DFFB: variants seen among roughly 807,000 people sequenced by gnomAD.
DFFB encodes the protein DNA fragmentation factor 40 kDa subunit.
DFFB carries 29 observed loss-of-function variants against 32.7 expected under a neutral mutation model. The observed-to-expected ratio is 0.89, with a 90% CI of 0.66 to 1.21. The LOEUF (loss-of-function observed/expected upper bound fraction) is 1.21, where lower values mean the gene tolerates loss of function less well. Ranked by LOEUF, DFFB falls within the 50% of genes most tolerant of loss-of-function variation. The pLI, the probability that DFFB is intolerant of heterozygous loss-of-function variation, is 0.00. For synonymous variants in DFFB, 170 were observed against 177.1 expected, an observed-to-expected ratio of 0.96 and a Z score of 0.32; for missense variants, 398 against 440.6, an observed-to-expected ratio of 0.90 and a Z score of 0.87.
Position 3,857,720 on chromosome 1 carries a change from G to A in DFFB, c.114+3G>A, listed in dbSNP as rs763358012. Reference sequence around the variant, plus strand: ...GCAAGGGCTGTCTCCGCTTCCAGGTGCCCGCTGGGCTAGGCGGGGACGGCC... The same window carrying A: ...GCAAGGGCTGTCTCCGCTTCCAGGTACCCGCTGGGCTAGGCGGGGACGGCC... On this transcript the variant is annotated splice_donor_region_variant and intron_variant, in intron 1 of 6. Transcript: ENST00000378209. The A allele has an allele frequency of 1.3e-6, 2 of 1,518,514 alleles. No individual in the cohort carries two copies. Among genetic ancestry groups the A allele is most frequent in the South Asian group, 1.3e-5 (1 of 79,426 alleles). 94.1% of individuals were successfully genotyped at this position (1,518,514 alleles called of 1,614,324 possible). A position where few individuals can be genotyped will look rare whatever the true frequency, so the allele number is the denominator to read the frequency against.
intron 4 of DFFB, among the ~76,000 whole-genome samples, chr1:3,868,577 A>C (rs1645030694): frequency 6.6e-6 from 1 of 151,956 alleles, no homozygotes; most frequent in African/African-American, 2.4e-5. Flanking sequence ...ATCACATAGC[A>C]TGACATGCCA....
intron 6 of DFFB, among the ~76,000 whole-genome samples, chr1:3,879,141 T>G (rs1645285259): frequency 6.6e-6 from 1 of 152,352 alleles, no homozygotes; most frequent in South Asian, 2.1e-4. Context: ...TGGAAAATGA[T>G]AAGTATCTAG....
At chr1:3,866,208 C>A in intron 3 of DFFB, 1 of 691,814 alleles carries the variant, frequency 1.4e-6, no homozygotes, top group Non-Finnish European at 2.6e-6. Flanking sequence ...GGGCCAGAGT[C>A]CAGGGCAGCC....
chr1:3,872,679 C>A, intron 6 of DFFB, 107 bp downstream of exon 6: 1 of 999,558 alleles, frequency 1.0e-6, no homozygotes, highest in South Asian at 1.4e-5. Context: ...CCTGTCCCTG[C>A]CACGGTGTTG....
intron 3 of DFFB, among the ~76,000 whole-genome samples, chr1:3,867,016 C>T (rs971805098): frequency 6.6e-6 from 1 of 152,216 alleles, no homozygotes; most frequent in South Asian, 2.1e-4. Context: ...CAGCCTCAGC[C>T]TCCCGAGTAG....
At chr1:3,883,480 AATG>A (rs1253211467) in intron 6 of DFFB, 24 bp from the exon 7 acceptor site, 4 of 1,607,374 alleles carry the variant, frequency 2.5e-6, no homozygotes, top group Admixed American at 3.3e-5. Context: ...GACCACAGAA[AATG>A]ATGTCTCTAA....
At chr1:3,860,969 AC>A (rs1644868254) in intron 2 of DFFB, among the ~76,000 whole-genome samples, 1 of 152,184 alleles carries the variant, frequency 6.6e-6, no homozygotes, top group African/African-American at 2.4e-5. Context: ...AGCCTGGGCA[AC>A]ATGGTGAAAC....
At position 3,883,563 on chromosome 1, in the gene DFFB, A is replaced by T. The variant is rs1638239024; in HGVS notation, c.839A>T (p.Asp280Val). Residue 280 changes from aspartate (D) to valine (V), a missense_variant, in exon 7 of 7, where the codon GAT becomes GTT. Transcript: ENST00000378209. ...CTGGTGGAAGCAATTAAGGAACAAGATGGAAGAGAAGTGGACTGGGAGTAT... is the reference window on the plus strand; with the variant it reads ...CTGGTGGAAGCAATTAAGGAACAAGTTGGAAGAGAAGTGGACTGGGAGTAT... ...PTLVEAIKEQDGREVDWEYFY... is the reference protein window; with the variant it reads ...PTLVEAIKEQVGREVDWEYFY... The T allele has an allele frequency of 2.5e-6, 4 of 1,614,224 alleles. No individual in the cohort carries two copies. Among genetic ancestry groups the T allele is most frequent in the Non-Finnish European group, 3.4e-6 (4 of 1,180,038 alleles).
intron 3 of DFFB, among the ~76,000 whole-genome samples, chr1:3,866,761 C>T (rs189106918): frequency 2.9e-4 from 44 of 152,216 alleles, no homozygotes; most frequent in African/African-American, 8.7e-4. Context: ...ACCACCATTC[C>T]GGTTTCTGTC....
rs998625953 is a variant in DFFB at position 3,884,287 on chromosome 1, A to C, written c.*546A>C. ...CTGGTCATACGGGTCAGTAGGGATA[A>C]GAATTGTCTCTGGGCTGAGGAATTC... On this transcript the variant is annotated 3_prime_UTR_variant, in exon 7 of 7. Coordinates refer to ENST00000378209, the MANE Select transcript of DFFB (RefSeq NM_004402.4). 1 of 158,584 alleles carries C rather than the reference A, an allele frequency of 6.3e-6. No individual in the cohort carries two copies. The highest frequency in any genetic ancestry group is 1.4e-5 in the Non-Finnish European group (1 of 71,678). 9.8% of individuals were successfully genotyped at this position (158,584 alleles called of 1,614,324 possible). A position where few individuals can be genotyped will look rare whatever the true frequency, so the allele number is the denominator to read the frequency against.
chr1:3,860,425 C>T (rs12129902), intron 2 of DFFB: 59,390 of 440,686 alleles, frequency 0.13, 4,610 homozygotes, highest in African/African-American at 0.24. Flanking sequence ...GATAGGGTTT[C>T]GCCATGTTTC....
chr1:3,880,701 T>C (rs1221618783), intron 6 of DFFB, among the ~76,000 whole-genome samples: 1 of 152,124 alleles, frequency 6.6e-6, no homozygotes, highest in African/African-American at 2.4e-5. Context: ...GGTGGAGCCT[T>C]CTGCTGCTGT....
chr1:3,871,606 T>A (rs753744178), intron 5 of DFFB, among the ~76,000 whole-genome samples: 5 of 152,018 alleles, frequency 3.3e-5, no homozygotes, highest in African/African-American at 1.2e-4. Context: ...GAACTCTGAA[T>A]CTCCCTAAAG....
chr1:3,860,328 G>A (rs2124724157), intron 2 of DFFB: 5 of 307,106 alleles, frequency 1.6e-5, no homozygotes, highest in South Asian at 1.3e-4. Context: ...CGTGTTTCAA[G>A]TGATCCCGTT....
chr1:3,876,237 C>G (rs12734459), intron 6 of DFFB, among the ~76,000 whole-genome samples: 22,108 of 152,188 alleles, frequency 0.15, 1,607 homozygotes, highest in South Asian at 0.17. Context: ...GTTTTCTCCC[C>G]GCCATCCAAA....
At chr1:3,860,499 G>A (rs1186467013) in intron 2 of DFFB, 1 of 435,638 alleles carries the variant, frequency 2.3e-6, no homozygotes, top group Non-Finnish European at 4.7e-6. Flanking sequence ...AAAGTGCTGG[G>A]ATTACAGGTA....
rs778978825 is a variant in DFFB at position 3,872,494 on chromosome 1, G to A, written c.704G>A (p.Cys235Tyr). 2 of 1,613,904 alleles carry A rather than the reference G, an allele frequency of 1.2e-6. No homozygotes were observed. Among genetic ancestry groups the A allele is most frequent in the Admixed American group, 3.3e-5 (2 of 60,010 alleles). Reference sequence around the variant, plus strand: ...CAGGGTCCCTTTGACATGGACAGCTGCTTATCAAGACACTCCATCAACCCC... The same window carrying A: ...CAGGGTCCCTTTGACATGGACAGCTACTTATCAAGACACTCCATCAACCCC... ...SCQGPFDMDS[C>Y]LSRHSINPYS... Residue 235 changes from cysteine to tyrosine, a missense_variant, in exon 6 of 7, where the codon TGC (cysteine) becomes TAC (tyrosine). Cys to Tyr is a radical substitution (Grantham distance 194). Coordinates refer to ENST00000378209, the MANE Select transcript of DFFB (RefSeq NM_004402.4).
Position 3,883,911 on chromosome 1 carries a change from TTGGGG to T in DFFB, c.*172_*176del, listed in dbSNP as rs1638266224. ...CTGATTTCATTACATTTCTGAATTG[TTGGGG>T]TTTTTTTTGTTGTTTTGTTTTGTTT... On this transcript the variant is annotated 3_prime_UTR_variant, in exon 7 of 7. Coordinates refer to ENST00000378209, the MANE Select transcript of DFFB (RefSeq NM_004402.4). 1 of 623,442 alleles carries T rather than the reference TTGGGG, an allele frequency of 1.6e-6. No homozygotes were observed. Among genetic ancestry groups the T allele is most frequent in the African/African-American group, 1.8e-5 (1 of 54,166 alleles). 38.6% of individuals were successfully genotyped at this position (623,442 alleles called of 1,614,324 possible).
intron 5 of DFFB, among the ~76,000 whole-genome samples, chr1:3,871,890 C>T (rs531302023): frequency 1.6e-4 from 24 of 152,090 alleles, no homozygotes; most frequent in Admixed American, 2.6e-4. Flanking sequence ...GGAGCAGGAA[C>T]GAGAGAGAGA....
Sources: allele counts gnomAD v4.1 joint callset (sites outside exome capture counted in the v4.1 genomes callset), GRCh38; gene constraint gnomAD v4.1.1; transcripts MANE v1.5; gene names NCBI Gene and HGNC (gene_info 2026-07-23, HGNC 2026-07-21).